Variants in VEGFC observed in about 807,000 individuals in gnomAD.
The protein encoded by VEGFC is FLT4 ligand DHM.
VEGFC carries 12 observed loss-of-function variants against 46.1 expected under a neutral mutation model. The ratio of observed to expected loss-of-function variants is 0.26; its 90% confidence interval spans 0.17 to 0.42. The LOEUF is 0.42. Ranked by LOEUF, VEGFC falls within the 10% of genes least tolerant of loss-of-function variation. VEGFC has a pLI of 1.00. For synonymous variants in VEGFC, 232 were observed against 195.5 expected (o/e 1.19, Z -1.56); for missense variants, 488 against 529.4 (o/e 0.92, Z 0.77).
intron 3 of VEGFC, among the ~76,000 whole-genome samples, chr4:176,719,407 A>C (rs532572466): frequency 2.6e-5 from 4 of 152,320 alleles, no homozygotes; most frequent in Non-Finnish European, 4.4e-5. Flanking sequence ...CTGATAATGC[A>C]ATAAATTGAA....
chr4:176,692,912 G>A (rs562765400), intron 4 of VEGFC, among the ~76,000 whole-genome samples: 1 of 147,612 alleles, frequency 6.8e-6, no homozygotes, highest in Non-Finnish European at 1.5e-5. Flanking sequence ...CTGCAGCTGA[G>A]GGTCCTGTCT....
intron 1 of VEGFC, among the ~76,000 whole-genome samples, chr4:176,781,108 A>G (rs1429038706): frequency 1.3e-5 from 2 of 152,220 alleles, no homozygotes; most frequent in African/African-American, 2.4e-5. Flanking sequence ...AGCAGCTTCA[A>G]ATTACCCAAT....
intron 1 of VEGFC, among the ~76,000 whole-genome samples, chr4:176,730,777 TA>T (rs1734950047): frequency 6.6e-6 from 1 of 152,150 alleles, no homozygotes; most frequent in Non-Finnish European, 1.5e-5. Context: ...ATATTTGCCT[TA>T]AAATTGAAAT....
rs564083744 is a variant in VEGFC at position 176,735,437 on chromosome 4, T to A, written c.148-5691A>T. Among the ~76,000 whole-genome samples, 43 of 152,026 alleles carry A rather than the reference T, an allele frequency of 2.8e-4. 1 individual carries two copies. The East Asian group carries it at 7.3e-3, about 26-fold the overall frequency. On this transcript the variant is annotated intron_variant, in intron 1 of 6. Coordinates refer to ENST00000618562, the MANE Select transcript of VEGFC (RefSeq NM_005429.5). ...TCTGACTCATCGGTCTTTGAACCGA[T>A]AAGTTTCACTATTCACACATAAAAC...
chr4:176,690,205 C>G (rs1560933669), intron 4 of VEGFC, among the ~76,000 whole-genome samples: 1 of 152,104 alleles, frequency 6.6e-6, no homozygotes, highest in Non-Finnish European at 1.5e-5. Context: ...TTTGCTTTAT[C>G]CTGCATATAT....
intron 4 of VEGFC, 85 bp downstream of exon 4, chr4:176,711,414 A>G: frequency 7.0e-7 from 1 of 1,419,298 alleles, no homozygotes; most frequent in Non-Finnish European, 9.4e-7. Context: ...AATTTCACAG[A>G]GGTTATTTGT....
chr4:176,713,425 C>T (rs1446059968), intron 3 of VEGFC, among the ~76,000 whole-genome samples: 1 of 152,058 alleles, frequency 6.6e-6, no homozygotes, highest in Non-Finnish European at 1.5e-5. Flanking sequence ...AGAACTAGCA[C>T]TACAGAAGAC....
intron 1 of VEGFC, among the ~76,000 whole-genome samples, chr4:176,741,414 C>T (rs554970896): frequency 6.6e-6 from 1 of 151,910 alleles, no homozygotes; most frequent in East Asian, 1.9e-4. Flanking sequence ...ACATTTCAGG[C>T]CAGAGAGTCC....
chr4:176,751,196 TAG>T (rs1331868330), intron 1 of VEGFC, among the ~76,000 whole-genome samples: 2 of 151,400 alleles, frequency 1.3e-5, no homozygotes, highest in Non-Finnish European at 3.0e-5. Flanking sequence ...AACACAGAAA[TAG>T]AGAGAGCCAA....
intron 1 of VEGFC, among the ~76,000 whole-genome samples, chr4:176,752,507 A>G (rs1735358432): frequency 6.6e-6 from 1 of 152,076 alleles, no homozygotes; most frequent in Admixed American, 6.6e-5. Flanking sequence ...GGATGAAGGG[A>G]TAAGATGCAA....
chr4:176,718,166 T>C (rs1271525969), intron 3 of VEGFC, among the ~76,000 whole-genome samples: 2 of 152,152 alleles, frequency 1.3e-5, no homozygotes, highest in African/African-American at 4.8e-5. Context: ...AAGAAAGTTC[T>C]GATAACTGGT....
At chr4:176,687,587 C>T (rs1284803340) in intron 5 of VEGFC, 67 bp from the exon 6 acceptor site, 21 of 1,391,978 alleles carry the variant, frequency 1.5e-5, no homozygotes, top group Middle Eastern at 2.4e-4. Flanking sequence ...GAAACAAAAG[C>T]TTTTAAAAGC....
At chr4:176,721,381 A>G (rs1391022494) in intron 3 of VEGFC, among the ~76,000 whole-genome samples, 1 of 152,194 alleles carries the variant, frequency 6.6e-6, no homozygotes, top group Non-Finnish European at 1.5e-5. Context: ...CAATAAGGCA[A>G]TGTTATCAAG....
intron 1 of VEGFC, among the ~76,000 whole-genome samples, chr4:176,757,345 G>A (rs903614024): frequency 6.6e-6 from 1 of 151,936 alleles, no homozygotes; most frequent in Admixed American, 6.6e-5. Context: ...AGAAGACAAA[G>A]GTCCCTAGAT....
At chr4:176,738,621 C>T (rs1046866698) in intron 1 of VEGFC, among the ~76,000 whole-genome samples, 2 of 151,956 alleles carry the variant, frequency 1.3e-5, no homozygotes, top group African/African-American at 2.4e-5. Context: ...CTAGGCAATA[C>T]CATTGAGGAC....
rs2110957584 is a variant in VEGFC, at chr4:176,683,538, T to G, written c.*388A>C. 1 of 161,578 alleles carries G rather than the reference T, an allele frequency of 6.2e-6. No homozygotes were observed. The allele number at this position is 161,578 out of a possible 1,614,324, so 10.0% of individuals were successfully genotyped here. On this transcript the variant is annotated 3_prime_UTR_variant, in exon 7 of 7. Transcript: ENST00000618562. ...ATGATAATGGACTGAACTTAGCAGC[T>G]TATAATACAATTTTCATTTTATTTT... is the stretch of plus-strand genomic sequence containing the variant.
intron 1 of VEGFC, among the ~76,000 whole-genome samples, chr4:176,755,544 T>C (rs1319889657): frequency 6.6e-6 from 1 of 152,032 alleles, no homozygotes; most frequent in African/African-American, 2.4e-5. Context: ...ACCATTTTCC[T>C]GCCAAAGTGC....
chr4:176,692,597 G>T (rs57252593), intron 4 of VEGFC, among the ~76,000 whole-genome samples: 1 of 123,614 alleles, frequency 8.1e-6, no homozygotes, highest in East Asian at 2.1e-4. Flanking sequence ...CAAAGCAGCC[G>T]GGAAGCTCGA....
intron 1 of VEGFC, among the ~76,000 whole-genome samples, chr4:176,770,639 C>A (rs537902171): frequency 2.0e-5 from 3 of 148,780 alleles, no homozygotes; most frequent in Admixed American, 6.6e-5. Flanking sequence ...TTGAAATTAT[C>A]TATTTCTGTT....
Sources: gnomAD v4.1 joint callset for allele counts (sites outside exome capture counted in the v4.1 genomes callset) on GRCh38, gnomAD v4.1.1 for gene constraint, MANE v1.5 for transcripts, NCBI Gene and HGNC (gene_info 2026-07-23, HGNC 2026-07-21) for gene names.